PHKB: variants seen among roughly 807,000 people sequenced by gnomAD.
PHKB encodes the protein phosphorylase b kinase regulatory subunit beta.
A neutral mutation model predicts 152.1 loss-of-function variants in PHKB; 122 were observed. The observed-to-expected ratio is 0.80, with a 90% confidence interval of 0.69 to 0.93. The LOEUF (loss-of-function observed/expected upper bound fraction) is 0.93. Among genes scored for constraint, PHKB ranks in the 40% least tolerant of loss-of-function variants. The pLI is 0.00. For missense variants in PHKB, 1,304 were observed against 1,328.4 expected, an observed-to-expected ratio of 0.98 and a Z score of 0.29; for synonymous variants, 436 against 464.9, an observed-to-expected ratio of 0.94 and a Z score of 0.80.
At chr16:47,480,443 T>C (rs1415223392) in intron 1 of PHKB, among the ~76,000 whole-genome samples, 1 of 152,194 alleles carries the variant, frequency 6.6e-6, no homozygotes, top group Non-Finnish European at 1.5e-5. Context: ...GAAGTTCTTT[T>C]TTTCCTAAGT....
intron 7 of PHKB, among the ~76,000 whole-genome samples, chr16:47,556,170 T>G (rs561738229): frequency 1.3e-5 from 2 of 152,340 alleles, no homozygotes; most frequent in African/African-American, 4.8e-5. Flanking sequence ...GATTTTGGGC[T>G]GAGACAATGG....
At chr16:47,511,881 G>A (rs1287754239) in intron 5 of PHKB, 109 bp downstream of exon 5, 8 of 736,646 alleles carry the variant, frequency 1.1e-5, no homozygotes, top group East Asian at 5.3e-5. Flanking sequence ...AGTTTTCCAC[G>A]GATGGGGTAG....
At chr16:47,628,076 G>A (rs1274137214) in intron 14 of PHKB, among the ~76,000 whole-genome samples, 1 of 152,180 alleles carries the variant, frequency 6.6e-6, no homozygotes, top group Non-Finnish European at 1.5e-5. Context: ...GGCATAGAAT[G>A]TTTCAAATAC....
chr16:47,523,928 C>T (rs1970725168), intron 6 of PHKB, among the ~76,000 whole-genome samples: 2 of 152,024 alleles, frequency 1.3e-5, no homozygotes, highest in South Asian at 4.1e-4. Flanking sequence ...TTCTGTTCCT[C>T]CTTCATGTTG....
intron 14 of PHKB, among the ~76,000 whole-genome samples, chr16:47,630,113 A>T (rs1972798800): frequency 6.6e-6 from 1 of 152,194 alleles, no homozygotes; most frequent in African/African-American, 2.4e-5. Flanking sequence ...AGCAAGGCAC[A>T]TGTATACATA....
intron 4 of PHKB, among the ~76,000 whole-genome samples, chr16:47,506,216 A>G (rs1970416188): frequency 6.6e-6 from 1 of 151,800 alleles, no homozygotes; most frequent in African/African-American, 2.4e-5. Flanking sequence ...AAAAAAAATA[A>G]TAAAAAGAGT....
intron 14 of PHKB, among the ~76,000 whole-genome samples, chr16:47,618,140 AGTGGTATC>A (rs966274983): frequency 2.0e-5 from 3 of 152,104 alleles, no homozygotes; most frequent in African/African-American, 7.2e-5. Context: ...TGATACTCTA[AGTGGTATC>A]GTTTGTTTTA....
intron 1 of PHKB, among the ~76,000 whole-genome samples, chr16:47,486,520 A>G (rs772816682): frequency 6.6e-6 from 1 of 152,230 alleles, no homozygotes; most frequent in Non-Finnish European, 1.5e-5. Context: ...CTGTCTCAGC[A>G]GCTCAAATAT....
chr16:47,691,605 C>T (rs1019818944), intron 27 of PHKB, among the ~76,000 whole-genome samples: 4 of 151,328 alleles, frequency 2.6e-5, no homozygotes, highest in East Asian at 1.9e-4. Flanking sequence ...CTCAGGAGGC[C>T]GACATGGGAG....
chr16:47,560,194 A>C (rs1328294675), intron 7 of PHKB, among the ~76,000 whole-genome samples: 1 of 152,210 alleles, frequency 6.6e-6, no homozygotes, highest in Non-Finnish European at 1.5e-5. Context: ...AAAGAGCAGA[A>C]GTAAGAGTGG....
chr16:47,622,836 CAT>C (rs1276974534), intron 14 of PHKB, among the ~76,000 whole-genome samples: 12 of 152,142 alleles, frequency 7.9e-5, no homozygotes, highest in Non-Finnish European at 1.3e-4. Flanking sequence ...CAGCTAAAAA[CAT>C]ATAGTACACT....
At position 47,641,087 on chromosome 16, in the gene PHKB, A is replaced by G. The variant is rs111301209; in HGVS notation, c.1511A>G (p.Gln504Arg). 3.7e-6 allele frequency: 6 copies of G among 1,613,766 alleles called. No individual in the cohort carries two copies. The South Asian group carries it at 5.5e-5, about 15-fold the overall frequency. Reference protein sequence around the residue: ...VVHVALIAESQRLQVFLNTYG... With the variant: ...VVHVALIAESRRLQVFLNTYG... ...CATGTGGCACTTATAGCAGAAAGCC[A>G]AAGGTATGAAATCCAAGTGGGTGGT... is the stretch of plus-strand genomic sequence containing the variant. The change falls in exon 15 of 31, where the codon CAA becomes CGA. Residue 504 changes from glutamine to arginine, a missense_variant. Physicochemically the swap from Gln to Arg is conservative, Grantham distance 43 (BLOSUM62 1). Transcript: ENST00000323584.
chr16:47,491,258 A>G (rs145729204), intron 1 of PHKB, among the ~76,000 whole-genome samples: 1 of 152,242 alleles, frequency 6.6e-6, no homozygotes, highest in Non-Finnish European at 1.5e-5. Flanking sequence ...AAGGAAGTAT[A>G]TGTCCCTTAC....
In PHKB at chr16:47,490,775, A is replaced by T. The variant is rs530234570; in HGVS notation, c.77-6624A>T. On this transcript the variant is annotated intron_variant, in intron 1 of 30. Coordinates refer to ENST00000323584, the MANE Select transcript of PHKB (RefSeq NM_000293.3). ...CTTTCCAAATTTTGCCAAAGGGCAG[A>T]TCAGTGCCCCAAGAGTACCCTGTTG... is the stretch of plus-strand genomic sequence containing the variant. Among the ~76,000 whole-genome samples the T allele has an allele frequency of 5.3e-5, 8 of 152,354 alleles. No individual in the cohort carries two copies. The East Asian group carries it at 7.7e-4, about 15-fold the overall frequency.
At chr16:47,502,143 T>C (rs1970334205) in intron 3 of PHKB, among the ~76,000 whole-genome samples, 1 of 152,198 alleles carries the variant, frequency 6.6e-6, no homozygotes, top group Non-Finnish European at 1.5e-5. Context: ...AGTGATACTT[T>C]TTAATCATGT....
chr16:47,546,418 C>CTGCAGAACAGCAAATAT (rs1971165882), intron 6 of PHKB, among the ~76,000 whole-genome samples: 1 of 152,190 alleles, frequency 6.6e-6, no homozygotes, highest in African/African-American at 2.4e-5. Flanking sequence ...CCAGTGGAGG[C>CTGCAGAACAGCAAATAT]TGCAGAACAG....
intron 7 of PHKB, among the ~76,000 whole-genome samples, chr16:47,570,388 G>C (rs540476895): frequency 4.5e-4 from 68 of 152,176 alleles, no homozygotes; most frequent in Non-Finnish European, 6.9e-4. Context: ...TAAACTTTTT[G>C]CTTTTTCTTC....
intron 28 of PHKB, among the ~76,000 whole-genome samples, chr16:47,694,014 A>T (rs1319028758): frequency 6.6e-6 from 1 of 152,196 alleles, no homozygotes; most frequent in Non-Finnish European, 1.5e-5. Context: ...GAAAGACAGA[A>T]CCAGAGCAGA....
chr16:47,469,105 A>G (rs1165141128), intron 1 of PHKB, among the ~76,000 whole-genome samples: 1 of 152,230 alleles, frequency 6.6e-6, no homozygotes, highest in African/African-American at 2.4e-5. Context: ...TATAAGCTAT[A>G]TAAAAGCAGA....
Sources: allele counts gnomAD v4.1 joint callset (sites outside exome capture counted in the v4.1 genomes callset), GRCh38; gene constraint gnomAD v4.1.1; transcripts MANE v1.5; gene names NCBI Gene and HGNC (gene_info 2026-07-23, HGNC 2026-07-21).